TRIM37: variants seen among roughly 807,000 people sequenced by gnomAD.
TRIM37 encodes the protein tripartite motif containing 37.
TRIM37 carries 80 observed loss-of-function variants against 129.8 expected under a neutral mutation model. That is an observed-to-expected ratio of 0.62 (90% confidence interval 0.51 to 0.74). The LOEUF (loss-of-function observed/expected upper bound fraction) is 0.74. TRIM37 is among the 30% of genes least tolerant of loss of function. The pLI is 0.00. For missense variants in TRIM37, 1,054 were observed against 1,176.5 expected (o/e 0.90, Z 1.52); for synonymous variants, 389 against 387.1 (o/e 1.00, Z -0.06).
chr17:58,988,985 C>T (rs1490869153), intron 24 of TRIM37, among the ~76,000 whole-genome samples: 1 of 152,190 alleles, frequency 6.6e-6, no homozygotes, highest in Non-Finnish European at 1.5e-5. Flanking sequence ...AAGGTCTTAG[C>T]AGCAGGAAAG....
chr17:58,994,945 C>A (rs1489082044), downstream of TRIM37, among the ~76,000 whole-genome samples: 1 of 152,082 alleles, frequency 6.6e-6, no homozygotes, highest in Non-Finnish European at 1.5e-5. Context: ...GATGGGGTTT[C>A]TCCATGTTGG....
At chr17:59,094,083 T>C (rs929774957) in intron 2 of TRIM37, among the ~76,000 whole-genome samples, 22 of 152,182 alleles carry the variant, frequency 1.4e-4, no homozygotes, top group South Asian at 1.0e-3. Context: ...TTATTAGAGA[T>C]GGGGTTTTCC....
At chr17:59,070,800 T>A (rs772690660) in intron 9 of TRIM37, 23 bp downstream of exon 9, 6 of 1,610,750 alleles carry the variant, frequency 3.7e-6, no homozygotes, top group Non-Finnish European at 5.1e-6. Flanking sequence ...CAAATGAAAA[T>A]GAAATTAAAA....
intron 17 of TRIM37, among the ~76,000 whole-genome samples, chr17:59,033,917 A>C (rs564631644): frequency 2.0e-5 from 3 of 151,906 alleles, no homozygotes; most frequent in East Asian, 2.0e-4. Flanking sequence ...CAAGAGTTAG[A>C]GACCAGCCTT....
intron 16 of TRIM37, among the ~76,000 whole-genome samples, chr17:59,042,447 A>ATATATATATATATATATATATATATATAT (rs1366333212): frequency 2.6e-5 from 1 of 38,984 alleles, no homozygotes; most frequent in Non-Finnish European, 5.0e-5. Context: ...AAAAAAAAAA[A>ATATATATATATATATATATATATATATAT]AAATATATAT....
At chr17:59,015,832 A>T (rs1288644237) in intron 20 of TRIM37, 33 bp from the exon 21 acceptor site, 1 of 1,607,810 alleles carries the variant, frequency 6.2e-7, no homozygotes, top group Admixed American at 1.7e-5. Context: ...TACAAAAATT[A>T]GCTGGGCATG....
chr17:58,974,599 G>T, the TRIM37 span, among the ~76,000 whole-genome samples: 3 of 151,950 alleles, frequency 2.0e-5, no homozygotes, highest in Non-Finnish European at 2.9e-5. Context: ...TTTTAAAAAA[G>T]AATAAATCAA....
chr17:59,096,745 G>T (rs1004831783), intron 2 of TRIM37, among the ~76,000 whole-genome samples: 1 of 151,822 alleles, frequency 6.6e-6, no homozygotes, highest in African/African-American at 2.4e-5. Flanking sequence ...CATTTCTTCA[G>T]AATATAATCA....
downstream of TRIM37, among the ~76,000 whole-genome samples, chr17:58,977,710 CT>C (rs2031099265): frequency 6.6e-6 from 1 of 152,092 alleles, no homozygotes; most frequent in South Asian, 2.1e-4. Flanking sequence ...GCTTTCTAGC[CT>C]ATTTGAGGAT....
intron 19 of TRIM37, among the ~76,000 whole-genome samples, chr17:59,022,482 G>A (rs1214775469): frequency 6.6e-6 from 1 of 152,138 alleles, no homozygotes; most frequent in Admixed American, 6.5e-5. Flanking sequence ...TAGGGTGAAG[G>A]GCATAGGCTC....
At chr17:59,011,664 T>C (rs1011452388) in intron 22 of TRIM37, among the ~76,000 whole-genome samples, 7 of 152,230 alleles carry the variant, frequency 4.6e-5, no homozygotes, top group Admixed American at 4.6e-4. Context: ...AAATGTCTTC[T>C]ATGCTTTTAG....
chr17:59,042,445 A>ATAT (rs1220676334), intron 16 of TRIM37, among the ~76,000 whole-genome samples: 659 of 40,022 alleles, frequency 0.016, no homozygotes, highest in Non-Finnish European at 0.023. Flanking sequence ...AAAAAAAAAA[A>ATAT]AAAAATATAT....
intron 19 of TRIM37, among the ~76,000 whole-genome samples, chr17:59,025,184 C>A (rs1421912706): frequency 6.6e-6 from 1 of 151,974 alleles, no homozygotes; most frequent in Non-Finnish European, 1.5e-5. Flanking sequence ...ATGTTTCATT[C>A]ATTTGGGGAA....
chr17:59,068,681 G>C (rs1209172084), intron 9 of TRIM37, among the ~76,000 whole-genome samples: 1 of 152,128 alleles, frequency 6.6e-6, no homozygotes, highest in African/African-American at 2.4e-5. Flanking sequence ...GCTTTAAAAA[G>C]ATATGAATAT....
chr17:59,035,969 G>C (rs1447438583), intron 17 of TRIM37, among the ~76,000 whole-genome samples: 1 of 152,102 alleles, frequency 6.6e-6, no homozygotes, highest in Admixed American at 6.6e-5. Flanking sequence ...CCCTATTATA[G>C]TCTAGTCTCA....
At chr17:58,996,685 C>G (rs2033033911), downstream of TRIM37, among the ~76,000 whole-genome samples, 18 of 150,874 alleles carry the variant, frequency 1.2e-4, no homozygotes, top group Admixed American at 1.2e-3. Context: ...GGGAGGATCA[C>G]TTGAGCCTGG....
chr17:59,054,838 G>A (rs1266718017), intron 13 of TRIM37, among the ~76,000 whole-genome samples: 1 of 151,222 alleles, frequency 6.6e-6, no homozygotes, highest in Admixed American at 6.6e-5. Context: ...GCTAATTTTT[G>A]TATTTTTAGT....
At chr17:59,021,129 C>T (rs2036551180) in intron 19 of TRIM37, among the ~76,000 whole-genome samples, 3 of 152,256 alleles carry the variant, frequency 2.0e-5, no homozygotes, top group Middle Eastern at 3.4e-3. Context: ...TGGTAGCTCA[C>T]GCCCGTAATC....
intron 10 of TRIM37, among the ~76,000 whole-genome samples, chr17:59,063,622 TAAGAGA>T (rs761479439): frequency 5.9e-5 from 9 of 152,228 alleles, no homozygotes; most frequent in Non-Finnish European, 1.3e-4. Context: ...CTTCTGATCT[TAAGAGA>T]AAAAGTAGTA....
Sources: allele counts gnomAD v4.1 joint callset (sites outside exome capture counted in the v4.1 genomes callset), GRCh38; gene constraint gnomAD v4.1.1; transcripts MANE v1.5; gene names NCBI Gene and HGNC (gene_info 2026-07-23, HGNC 2026-07-21).